The following FCHO2 variants were observed in gnomAD, a reference collection of about 807,000 sequenced individuals.
FCHO2 encodes the protein FCH and mu domain containing endocytic adaptor 2.
Under a neutral mutation model 114.1 loss-of-function variants are expected in FCHO2, and 43 were observed. The observed-to-expected ratio is 0.38, with a 90% CI of 0.30 to 0.49. The LOEUF is 0.49. Among genes scored for constraint, FCHO2 ranks in the 20% least tolerant of loss-of-function variants. The probability of loss-of-function intolerance (pLI) is 0.97; values close to 1 mark genes in which losing one functional copy is unlikely to be tolerated. For synonymous variants in FCHO2, 293 were observed against 315.2 expected (o/e 0.93, Z 0.75); for missense variants, 807 against 950.4 (o/e 0.85, Z 1.98).
chr5:72,956,222 C>CGG, intron 1 of FCHO2, 93 bp downstream of exon 1: 38 of 1,486,780 alleles, frequency 2.6e-5, no homozygotes, highest in South Asian at 6.3e-5. Context: ...GCGGCGGCGG[C>CGG]CCCTCCGGCA....
intron 1 of FCHO2, among the ~76,000 whole-genome samples, chr5:72,964,123 A>T (rs1359343646): frequency 1.3e-5 from 2 of 152,038 alleles, no homozygotes; most frequent in East Asian, 1.9e-4. Context: ...CGCAAAATAT[A>T]TAAAAATTAA....
At chr5:72,980,471 C>G (rs924648895) in intron 2 of FCHO2, among the ~76,000 whole-genome samples, 2 of 152,040 alleles carry the variant, frequency 1.3e-5, no homozygotes, top group Admixed American at 6.6e-5. Context: ...TCTGCTTGGT[C>G]CAGAGCTGAG....
Position 73,087,656 on chromosome 5 carries a change from A to G in FCHO2, c.2313A>G (p.Val771=), listed in dbSNP as rs780371259. The change falls in exon 25 of 26, where the codon GTA becomes GTG. Residue 771 remains valine (V), a synonymous_variant. Transcript: ENST00000430046. ...CTAGTAAACCCACGACACTTGCAGT[A>G]CAATTCCTCAGCGAGGGAAGTACCC... ...EGPSKPTTLA[V]QFLSEGSTLS... The G allele has an allele frequency of 5.0e-6, 8 of 1,613,830 alleles. No homozygotes were observed. The highest frequency in any genetic ancestry group is 5.1e-6 in the Non-Finnish European group (6 of 1,179,850).
At chr5:73,087,454 A>G (rs1743348795) in intron 24 of FCHO2, 135 bp from the exon 25 acceptor site, 2 of 959,258 alleles carry the variant, frequency 2.1e-6, no homozygotes, top group Non-Finnish European at 3.0e-6. Flanking sequence ...TGGAAACAGG[A>G]TAATAGTTTG....
At chr5:73,040,555 T>C (rs1291684302) in intron 10 of FCHO2, among the ~76,000 whole-genome samples, 1 of 152,218 alleles carries the variant, frequency 6.6e-6, no homozygotes, top group Non-Finnish European at 1.5e-5. Flanking sequence ...GTTGTACATA[T>C]TTAGGTCTTC....
intron 19 of FCHO2, among the ~76,000 whole-genome samples, chr5:73,069,343 C>CTAT (rs1259062496): frequency 1.3e-5 from 2 of 152,036 alleles, no homozygotes; most frequent in Admixed American, 6.6e-5. Context: ...CACTTTATTT[C>CTAT]TATTATTATT....
chr5:73,080,636 T>A (rs1743063591), intron 22 of FCHO2, among the ~76,000 whole-genome samples: 1 of 151,712 alleles, frequency 6.6e-6, no homozygotes, highest in South Asian at 2.1e-4. Context: ...TCTATTTTTT[T>A]AGTTTTTAAT....
At chr5:73,032,547 T>C (rs1486739196) in intron 8 of FCHO2, among the ~76,000 whole-genome samples, 1 of 152,200 alleles carries the variant, frequency 6.6e-6, no homozygotes, top group Non-Finnish European at 1.5e-5. Flanking sequence ...CTTTACTGTT[T>C]TCACATGTAT....
At chr5:72,973,781 T>C (rs1180675632) in intron 2 of FCHO2, among the ~76,000 whole-genome samples, 4 of 151,592 alleles carry the variant, frequency 2.6e-5, no homozygotes, top group Non-Finnish European at 4.4e-5. Flanking sequence ...TCTAGTTCTT[T>C]TAATTGTGAT....
At chr5:73,046,623 A>AT (rs942780617) in intron 11 of FCHO2, among the ~76,000 whole-genome samples, 31 of 152,132 alleles carry the variant, frequency 2.0e-4, no homozygotes, top group Middle Eastern at 3.2e-3. Flanking sequence ...TTTGAAAAAA[A>AT]CCTTTCATTC....
intron 11 of FCHO2, among the ~76,000 whole-genome samples, chr5:73,050,162 G>A (rs1757273335): frequency 6.6e-6 from 1 of 151,804 alleles, no homozygotes; most frequent in Non-Finnish European, 1.5e-5. Context: ...TTAGTATTTT[G>A]AAATAACCAT....
chr5:72,979,158 A>G (rs370922234), intron 2 of FCHO2, among the ~76,000 whole-genome samples: 5 of 151,688 alleles, frequency 3.3e-5, no homozygotes, highest in African/African-American at 2.4e-5. Flanking sequence ...CTCTTTTTCT[A>G]TTGTTTGGAA....
intron 8 of FCHO2, chr5:73,020,787 A>T (rs1056332772): frequency 3.1e-6 from 3 of 959,886 alleles, no homozygotes; most frequent in Non-Finnish European, 5.1e-6. Context: ...CACTGTCCCC[A>T]TCCTGATCAG....
At chr5:72,977,403 CG>C (rs1752950459) in intron 2 of FCHO2, among the ~76,000 whole-genome samples, 1 of 152,046 alleles carries the variant, frequency 6.6e-6, no homozygotes, top group African/African-American at 2.4e-5. Context: ...CTCTTATGTT[CG>C]TTGGCTGCAT....
At chr5:73,053,037 C>T (rs1419005320) in intron 13 of FCHO2, among the ~76,000 whole-genome samples, 1 of 151,992 alleles carries the variant, frequency 6.6e-6, no homozygotes, top group Non-Finnish European at 1.5e-5. Flanking sequence ...AAAACATTAT[C>T]CCAGTAAATT....
intron 8 of FCHO2, chr5:73,021,301 G>C: frequency 2.2e-6 from 1 of 458,914 alleles, no homozygotes; most frequent in Admixed American, 3.3e-5. Flanking sequence ...AGCTCCTATG[G>C]GTGCAGCGGT....
intron 5 of FCHO2, 81 bp from the exon 6 acceptor site, chr5:73,006,364 T>C: frequency 2.5e-6 from 2 of 814,966 alleles, no homozygotes; most frequent in Non-Finnish European, 3.5e-6. Flanking sequence ...TGTATTTTAA[T>C]TTGTTATTCA....
chr5:73,013,099 T>C (rs528717423), intron 6 of FCHO2, among the ~76,000 whole-genome samples: 7 of 152,308 alleles, frequency 4.6e-5, no homozygotes, highest in South Asian at 2.1e-4. Context: ...TTCTTGAGAG[T>C]AATTCAGGAT....
intron 24 of FCHO2, among the ~76,000 whole-genome samples, chr5:73,085,658 C>A (rs979297168): frequency 4.6e-5 from 7 of 151,430 alleles, no homozygotes; most frequent in Non-Finnish European, 7.4e-5. Flanking sequence ...GCCTGTAGTC[C>A]CAGTTACTCA....
Sources: gnomAD v4.1 joint callset for allele counts (sites outside exome capture counted in the v4.1 genomes callset) on GRCh38, gnomAD v4.1.1 for gene constraint, MANE v1.5 for transcripts, NCBI Gene and HGNC (gene_info 2026-07-23, HGNC 2026-07-21) for gene names.